Variants in ADAMTSL1 observed in about 807,000 individuals in gnomAD.
ADAMTSL1 encodes ADAMTS-like protein 1.
In ADAMTSL1, 126 loss-of-function variants were observed where a neutral mutation model predicts 201.8. The observed-to-expected ratio is 0.62, with a 90% CI of 0.54 to 0.72. The LOEUF (loss-of-function observed/expected upper bound fraction) is 0.72, where lower values mean the gene tolerates loss of function less well. Among genes scored for constraint, ADAMTSL1 ranks in the 30% least tolerant of loss-of-function variants. ADAMTSL1 has a pLI of 0.00. For missense variants in ADAMTSL1, 2,679 were observed against 2,277.8 expected (o/e 1.18, Z -3.59); for synonymous variants, 1,121 against 903.4 (o/e 1.24, Z -4.32).
chr9:18,395,775 T>A (rs1449082669), intron 2 of ADAMTSL1, among the ~76,000 whole-genome samples: 1 of 152,202 alleles, frequency 6.6e-6, no homozygotes, highest in Non-Finnish European at 1.5e-5. Context: ...CTGGTTTAAG[T>A]TGGACACATT....
Position 18,433,401 on chromosome 9 carries a change from A to G in ADAMTSL1, c.208-71428A>G, listed in dbSNP as rs181143442. Among the ~76,000 whole-genome samples, 45 of 152,266 alleles carry G rather than the reference A, an allele frequency of 3.0e-4. 1 individual carries two copies. The highest frequency in any genetic ancestry group is 3.4e-3 in the Middle Eastern group (1 of 294). On this transcript the variant is annotated intron_variant, in intron 2 of 29. Transcript: ENST00000680146. ...CCTCAGGCCTAGATTGGATAATTTT[A>G]TTTATGAACTATAATATAAATTATT...
At chr9:18,073,566 A>C (rs1823058832) in intron 1 of ADAMTSL1, among the ~76,000 whole-genome samples, 1 of 152,190 alleles carries the variant, frequency 6.6e-6, no homozygotes, top group Admixed American at 6.6e-5. Flanking sequence ...GAAGCAACAC[A>C]GCTCTGGAGA....
chr9:18,203,916 G>A (rs1392850674), intron 2 of ADAMTSL1, among the ~76,000 whole-genome samples: 1 of 152,114 alleles, frequency 6.6e-6, no homozygotes, highest in Non-Finnish European at 1.5e-5. Context: ...GAGGACCTCT[G>A]TGTTCTCCAT....
intron 23 of ADAMTSL1, among the ~76,000 whole-genome samples, chr9:18,845,312 G>T (rs1414836984): frequency 6.6e-6 from 1 of 152,240 alleles, no homozygotes; most frequent in Non-Finnish European, 1.5e-5. Flanking sequence ...CTTTTCTCAT[G>T]CCTTGTGATT....
At chr9:18,007,633 T>A (rs1200248156) in intron 1 of ADAMTSL1, among the ~76,000 whole-genome samples, 1 of 151,970 alleles carries the variant, frequency 6.6e-6, no homozygotes, top group Non-Finnish European at 1.5e-5. Context: ...ACCCATGTAA[T>A]CACTGCACTG....
intron 1 of ADAMTSL1, among the ~76,000 whole-genome samples, chr9:18,116,837 G>C (rs1445552162): frequency 2.0e-5 from 3 of 152,106 alleles, no homozygotes; most frequent in Non-Finnish European, 2.9e-5. Context: ...TTTAGCATTA[G>C]GTCTGTCCTC....
At chr9:18,586,658 A>G (rs1483264603) in intron 4 of ADAMTSL1, among the ~76,000 whole-genome samples, 1 of 152,172 alleles carries the variant, frequency 6.6e-6, no homozygotes, top group Non-Finnish European at 1.5e-5. Context: ...GACAAAAAGA[A>G]CAAAACTGAA....
chr9:18,555,181 C>T (rs1821031999), intron 3 of ADAMTSL1, among the ~76,000 whole-genome samples: 1 of 151,784 alleles, frequency 6.6e-6, no homozygotes, highest in South Asian at 2.1e-4. Flanking sequence ...AGATATTCAT[C>T]TTCTTCCACA....
At chr9:18,458,347 C>T (rs968470084) in intron 2 of ADAMTSL1, among the ~76,000 whole-genome samples, 4 of 152,162 alleles carry the variant, frequency 2.6e-5, no homozygotes, top group Admixed American at 2.0e-4. Flanking sequence ...GAGATACACT[C>T]AATATTTTCT....
chr9:18,138,156 C>T (rs1826238996), intron 1 of ADAMTSL1, among the ~76,000 whole-genome samples: 1 of 152,154 alleles, frequency 6.6e-6, no homozygotes, highest in African/African-American at 2.4e-5. Context: ...GGTGATGGAA[C>T]TCACCTCATG....
At chr9:18,580,632 C>T (rs1823036752) in intron 4 of ADAMTSL1, among the ~76,000 whole-genome samples, 1 of 152,144 alleles carries the variant, frequency 6.6e-6, no homozygotes, top group Non-Finnish European at 1.5e-5. Flanking sequence ...CAACAATCTG[C>T]TGTATGTTGA....
At chr9:18,336,329 C>A (rs1352219472) in intron 2 of ADAMTSL1, among the ~76,000 whole-genome samples, 1 of 148,822 alleles carries the variant, frequency 6.7e-6, no homozygotes, top group Non-Finnish European at 1.5e-5. Context: ...TTTTTTACCA[C>A]AGGCAACAAT....
intron 9 of ADAMTSL1, among the ~76,000 whole-genome samples, chr9:18,669,055 T>C (rs1013787630): frequency 6.6e-6 from 1 of 152,196 alleles, no homozygotes; most frequent in African/African-American, 2.4e-5. Context: ...CCCACAGTCA[T>C]CCTTGTTCTG....
chr9:18,074,073 T>C (rs1823085998), intron 1 of ADAMTSL1, among the ~76,000 whole-genome samples: 1 of 152,162 alleles, frequency 6.6e-6, no homozygotes, highest in Non-Finnish European at 1.5e-5. Flanking sequence ...TTCTCATTTT[T>C]TGGAGCATCT....
At chr9:18,317,839 G>C (rs1019502760) in intron 2 of ADAMTSL1, among the ~76,000 whole-genome samples, 1 of 152,188 alleles carries the variant, frequency 6.6e-6, no homozygotes, top group East Asian at 1.9e-4. Flanking sequence ...TAAACTTCCT[G>C]AGGGCAAACA....
At chr9:18,708,925 T>C (rs530826904) in intron 14 of ADAMTSL1, among the ~76,000 whole-genome samples, 1 of 152,362 alleles carries the variant, frequency 6.6e-6, no homozygotes, top group African/African-American at 2.4e-5. Context: ...ATGTGGAGTG[T>C]ATTTAATTTA....
At chr9:18,278,120 T>C (rs764383119) in intron 2 of ADAMTSL1, among the ~76,000 whole-genome samples, 3 of 152,200 alleles carry the variant, frequency 2.0e-5, no homozygotes, top group Non-Finnish European at 2.9e-5. Context: ...GTGTATTCAT[T>C]AGGAAACTAT....
At chr9:18,275,277 A>G (rs76135350) in intron 2 of ADAMTSL1, among the ~76,000 whole-genome samples, 13 of 152,302 alleles carry the variant, frequency 8.5e-5, no homozygotes, top group East Asian at 5.8e-4. Flanking sequence ...GCATTACTTT[A>G]TAGCTATTAA....
intron 2 of ADAMTSL1, among the ~76,000 whole-genome samples, chr9:18,434,084 A>G (rs1197990211): frequency 6.6e-6 from 1 of 152,238 alleles, no homozygotes; most frequent in Non-Finnish European, 1.5e-5. Context: ...CTCGTAGATC[A>G]TAGCTTCAGC....
Sources: gnomAD v4.1 joint callset for allele counts (sites outside exome capture counted in the v4.1 genomes callset) on GRCh38, gnomAD v4.1.1 for gene constraint, MANE v1.5 for transcripts, NCBI Gene and HGNC (gene_info 2026-07-23, HGNC 2026-07-21) for gene names.